The following COL9A3 variants were observed in gnomAD, a reference collection of about 807,000 sequenced individuals.
COL9A3 encodes the protein collagen type IX alpha 3 chain.
Under a neutral mutation model 110.2 loss-of-function variants are expected in COL9A3, and 82 were observed. The ratio of observed to expected loss-of-function variants is 0.74; its 90% CI spans 0.62 to 0.89. The LOEUF (loss-of-function observed/expected upper bound fraction) is 0.89, where lower values mean the gene tolerates loss of function less well. Among genes scored for constraint, COL9A3 ranks in the 40% least tolerant of loss-of-function variants. The pLI is 0.00. For synonymous variants in COL9A3, 494 were observed against 403.8 expected (o/e 1.22, Z -2.68); for missense variants, 1,066 against 981.3 (o/e 1.09, Z -1.15).
At chr20:62,837,836 G>A (rs1386938212) in intron 30 of COL9A3, among the ~76,000 whole-genome samples, 1 of 152,056 alleles carries the variant, frequency 6.6e-6, no homozygotes, top group Non-Finnish European at 1.5e-5. Context: ...GTGAGGAATG[G>A]CCGGGTGCGG....
At chr20:62,824,383 C>T (rs2063534484) in intron 10 of COL9A3, 62 bp from the exon 11 acceptor site, 16 of 1,505,872 alleles carry the variant, frequency 1.1e-5, no homozygotes, top group Non-Finnish European at 1.4e-5. Flanking sequence ...GGCGCTGACC[C>T]CTGCGTCGGA....
rs2063653683 is a variant in COL9A3 at position 62,838,752 on chromosome 20, G to A, written c.1855G>A (p.Gly619Arg). 6.4e-7 allele frequency: 1 copy of A among 1,551,804 alleles called. No individual in the cohort carries two copies. Among genetic ancestry groups the A allele is most frequent in the Non-Finnish European group, 8.7e-7 (1 of 1,147,058 alleles). ...GCTGGACGGGCCTGAAGGAGACCAG[G>A]GGCCCCAAGGTACGAGTCCACGGCC... ...AGLDGPEGDQ[G>R]PQGPQGVPGT... Residue 619 changes from glycine (G) to arginine (R), a missense_variant, in exon 31 of 32, where the codon GGG becomes AGG. Gly to Arg is a moderately radical substitution (Grantham distance 125, BLOSUM62 -2). Coordinates refer to ENST00000649368, the MANE Select transcript of COL9A3 (RefSeq NM_001853.4).
chr20:62,833,848 C>A (rs1424452280), intron 26 of COL9A3, among the ~76,000 whole-genome samples: 1 of 151,422 alleles, frequency 6.6e-6, no homozygotes, highest in Non-Finnish European at 1.5e-5. Context: ...TAGGCCCTCC[C>A]ACAGTCGACT....
chr20:62,823,819 C>T (rs1439725902), intron 10 of COL9A3, among the ~76,000 whole-genome samples: 1 of 152,282 alleles, frequency 6.6e-6, no homozygotes, highest in Non-Finnish European at 1.5e-5. Flanking sequence ...CTGCAAGGCC[C>T]CCTGCAGTGC....
At chr20:62,821,425 C>G in intron 6 of COL9A3, 82 bp from the exon 7 acceptor site, 1 of 1,578,234 alleles carries the variant, frequency 6.3e-7, no homozygotes, top group Non-Finnish European at 8.7e-7. Context: ...TTCCCCAGGA[C>G]CCACCTGAGC....
chr20:62,830,176 C>A (rs2147216568), intron 22 of COL9A3, among the ~76,000 whole-genome samples, 184 bp from the exon 23 acceptor site: 1 of 152,218 alleles, frequency 6.6e-6, no homozygotes, highest in Non-Finnish European at 1.5e-5. Context: ...TGCCTGAGTT[C>A]TGAGACCCCC....
At chr20:62,827,054 C>T (rs554380016) in intron 15 of COL9A3, among the ~76,000 whole-genome samples, 187 bp from the exon 16 acceptor site, 5 of 152,292 alleles carry the variant, frequency 3.3e-5, no homozygotes, top group Admixed American at 1.3e-4. Context: ...GGGTCACCAT[C>T]GTCCCTCTGG....
In COL9A3 at chr20:62,827,987, G is replaced by A. The variant is rs111675882; in HGVS notation, c.900+11G>A. 615 of 1,612,764 alleles carry A rather than the reference G, an allele frequency of 3.8e-4. 3 individuals carry two copies. The highest frequency in any genetic ancestry group is 2.7e-3 in the African/African-American group (200 of 75,042). ...CCAAGCGGAGAGCCGGTGAGTGCAC[G>A]TGGCTGCTCATGGAATGCTCCTCCC... On this transcript the variant is annotated intron_variant, in intron 17 of 31. Transcript: ENST00000649368.
intron 24 of COL9A3, among the ~76,000 whole-genome samples, chr20:62,830,973 G>T (rs2077832525): frequency 6.6e-6 from 1 of 151,598 alleles, no homozygotes; most frequent in Non-Finnish European, 1.5e-5. Context: ...GGCTGCGGGA[G>T]CCTGGGCCGC....
At chr20:62,822,705 A>AG in intron 10 of COL9A3, 73 bp downstream of exon 10, 1 of 1,519,728 alleles carries the variant, frequency 6.6e-7, no homozygotes, top group Non-Finnish European at 9.0e-7. Flanking sequence ...TGGCCTGGAG[A>AG]GGGGCTTGTC....
rs6010757 is a variant in COL9A3 at position 62,836,633 on chromosome 20, C to T, written c.1603+101C>T. 0.051 allele frequency: 64,653 copies of T among 1,278,262 alleles called. 2,974 individuals carry two copies. The highest frequency in any genetic ancestry group is 0.23 in the African/African-American group (15,834 of 68,276). The allele number at this position is 1,278,262 out of a possible 1,614,324, so 79.2% of individuals were successfully genotyped here. A position where few individuals can be genotyped will look rare whatever the true frequency, so the allele number is the denominator to read the frequency against. ...AGCCTTCGTGCCACTGCTTTCCAGC[C>T]AAAGTGAGCCCCTAGCACTCACCCC... On this transcript the variant is annotated intron_variant, in intron 29 of 31. Transcript: ENST00000649368.
chr20:62,826,146 G>A (rs1183791789), intron 13 of COL9A3, 58 bp from the exon 14 acceptor site: 1 of 1,529,258 alleles, frequency 6.5e-7, no homozygotes, highest in Non-Finnish European at 8.8e-7. Flanking sequence ...TTGGCCCTGG[G>A]TGCTCCCCGG....
At chr20:62,832,401 G>T (rs559603362) in intron 25 of COL9A3, among the ~76,000 whole-genome samples, 1 of 152,238 alleles carries the variant, frequency 6.6e-6, no homozygotes, top group African/African-American at 2.4e-5. Flanking sequence ...CCCCAGGCAC[G>T]CCCCGGCATC....
intron 17 of COL9A3, 99 bp from the exon 18 acceptor site, chr20:62,828,665 T>G: frequency 3.7e-6 from 5 of 1,351,294 alleles, no homozygotes; most frequent in Non-Finnish European, 5.2e-6. Flanking sequence ...GCAGACACAG[T>G]TTTAGGTTGA....
chr20:62,840,887 A>T lies in COL9A3; in HGVS notation c.*155A>T, dbSNP rs774298521. 2.7e-5 allele frequency: 21 copies of T among 777,290 alleles called. No homozygotes were observed. Among genetic ancestry groups the T allele is most frequent in the Non-Finnish European group, 4.5e-5 (21 of 465,810 alleles). 48.1% of individuals were successfully genotyped at this position (777,290 alleles called of 1,614,324 possible). A position where few individuals can be genotyped will look rare whatever the true frequency, so the allele number is the denominator to read the frequency against. Reference sequence around the variant, plus strand: ...GGACGCGCGGGCCTTGCCAGCGAGCACCCTCATCGGGCTGTCGCCTGACAG... The same window carrying T: ...GGACGCGCGGGCCTTGCCAGCGAGCTCCCTCATCGGGCTGTCGCCTGACAG... On this transcript the variant is annotated 3_prime_UTR_variant, in exon 32 of 32. Transcript: ENST00000649368.
chr20:62,840,336 G>A lies in COL9A3; in HGVS notation c.1865-206G>A, dbSNP rs115491980. On this transcript the variant is annotated intron_variant, in intron 31 of 31. Coordinates refer to ENST00000649368, the MANE Select transcript of COL9A3 (RefSeq NM_001853.4). ...TCTGCACCCCTGCCTGGGGCTGGCC[G>A]CGCCTGGCCTTCCCCGGACACTCCC... 0.013 allele frequency among the ~76,000 whole-genome samples: 1,947 copies of A among 152,212 alleles called. 45 individuals are homozygous for A. Among genetic ancestry groups the A allele is most frequent in the African/African-American group, 0.043 (1,804 of 41,502 alleles).
At chr20:62,824,553 C>T in intron 11 of COL9A3, 52 bp downstream of exon 11, 1 of 1,529,568 alleles carries the variant, frequency 6.5e-7, no homozygotes, top group East Asian at 2.4e-5. Flanking sequence ...GGGCAGGAGG[C>T]AGCTGGGCTC....
At chr20:62,833,559 A>G (rs1430914881) in intron 26 of COL9A3, among the ~76,000 whole-genome samples, 4 of 151,226 alleles carry the variant, frequency 2.6e-5, no homozygotes, top group Non-Finnish European at 5.9e-5. Context: ...GCCCGCCACC[A>G]TGCCCAGCTA....
chr20:62,828,976 G>T lies in COL9A3; in HGVS notation c.1008G>T (p.Pro336=), dbSNP rs771213204. 1.2e-5 allele frequency: 19 copies of T among 1,604,644 alleles called. No homozygotes were observed. Among genetic ancestry groups the T allele is most frequent in the Non-Finnish European group, 1.5e-5 (18 of 1,177,376 alleles). ...APGEKGPNGL[P]GLPGRAGSKG... ...GAGAGAAGGGCCCCAACGGGCTGCC[G>T]GTGAGTGCCCGGCGGGTGGGGCCAG... The change falls in exon 19 of 32, where the codon CCG becomes CCT. Residue 336 remains proline (P), a splice_region_variant and synonymous_variant. Coordinates refer to ENST00000649368, the MANE Select transcript of COL9A3 (RefSeq NM_001853.4).
Sources: gnomAD v4.1 joint callset for allele counts (sites outside exome capture counted in the v4.1 genomes callset) on GRCh38, gnomAD v4.1.1 for gene constraint, MANE v1.5 for transcripts, NCBI Gene and HGNC (gene_info 2026-07-23, HGNC 2026-07-21) for gene names.